Variants in STAT5B observed in about 807,000 individuals in gnomAD.
STAT5B encodes transcription factor STAT5B.
Under a neutral mutation model 107.8 loss-of-function variants are expected in STAT5B, and 21 were observed. The ratio of observed to expected loss-of-function variants is 0.19; its 90% confidence interval spans 0.14 to 0.28. The LOEUF (loss-of-function observed/expected upper bound fraction) is 0.28. STAT5B is among the 10% of genes least tolerant of loss of function. The probability of loss-of-function intolerance (pLI) is 1.00; values close to 1 mark genes in which losing one functional copy is unlikely to be tolerated. For synonymous variants in STAT5B, 325 were observed against 401.7 expected, an observed-to-expected ratio of 0.81 and a Z score of 2.28; for missense variants, 565 against 1,008.2, an observed-to-expected ratio of 0.56 and a Z score of 5.95.
At chr17:42,202,910 AACT>A in intron 16 of STAT5B, 102 bp from the exon 17 acceptor site, 1 of 1,431,410 alleles carries the variant, frequency 7.0e-7, no homozygotes, top group East Asian at 2.3e-5. Context: ...ACAACCACCT[AACT>A]TATCTAAGGA....
At chr17:42,269,000 C>G (rs1032966111) in intron 1 of STAT5B, among the ~76,000 whole-genome samples, 2 of 152,018 alleles carry the variant, frequency 1.3e-5, no homozygotes, top group Non-Finnish European at 2.9e-5. Flanking sequence ...AACATTTAGC[C>G]CAGGTTAGAT....
rs12603717 is a variant in STAT5B, at chr17:42,221,567, G to A, written c.551-1725C>T. On this transcript the variant is annotated intron_variant, in intron 5 of 18. Coordinates refer to ENST00000293328, the MANE Select transcript of STAT5B (RefSeq NM_012448.4). ...CACAGGAAACAGAAAAGCCAGGCAC[G>A]GGATCAGAAATACTGTTGACAGTCT... Among the ~76,000 whole-genome samples, 14 of 152,312 alleles carry A rather than the reference G, an allele frequency of 9.2e-5. No homozygotes were observed. The East Asian group carries it at 1.9e-3, about 21-fold the overall frequency.
chr17:42,201,466 T>A lies in STAT5B; in HGVS notation c.*272A>T. ...CACCACAGCTTCTGTCTGTGGCCCC[T>A]CTGCTACAACTAAACTCTCAGACAG... On this transcript the variant is annotated 3_prime_UTR_variant, in exon 19 of 19. Coordinates refer to ENST00000293328, the MANE Select transcript of STAT5B (RefSeq NM_012448.4). 3.3e-6 allele frequency: 2 copies of A among 607,252 alleles called. No individual in the cohort carries two copies. Among genetic ancestry groups the A allele is most frequent in the Non-Finnish European group, 5.9e-6 (2 of 338,688 alleles). The allele number at this position is 607,252 out of a possible 1,614,324, so 37.6% of individuals were successfully genotyped here.
chr17:42,245,318 C>T (rs562525604), intron 1 of STAT5B, among the ~76,000 whole-genome samples: 9 of 151,312 alleles, frequency 5.9e-5, no homozygotes, highest in African/African-American at 2.2e-4. Context: ...CCTTGTGATC[C>T]GCCCACCTTG....
chr17:42,263,800 T>C (rs908469841), intron 1 of STAT5B, among the ~76,000 whole-genome samples: 1 of 151,780 alleles, frequency 6.6e-6, no homozygotes. Context: ...GTGCTGGAAA[T>C]ATAGGCATGA....
At chr17:42,229,019 G>C (rs1783421112) in intron 2 of STAT5B, among the ~76,000 whole-genome samples, 1 of 152,208 alleles carries the variant, frequency 6.6e-6, no homozygotes. Flanking sequence ...TGAGAAGGCA[G>C]TTAAGGCAAG....
At position 42,199,316 on chromosome 17, in the gene STAT5B, A is replaced by G. The variant is rs2080025901; in HGVS notation, c.*2422T>C. On this transcript the variant is annotated 3_prime_UTR_variant, in exon 19 of 19. Transcript: ENST00000293328. ...TACACAATACTTTTTTTTGGTGGCT[A>G]AATAACTAATCTGCCTTGACACTAA... The G allele has an allele frequency of 6.6e-6, 1 of 152,340 alleles. No homozygotes were observed. Among genetic ancestry groups the G allele is most frequent in the South Asian group, 2.1e-4 (1 of 4,832 alleles). 9.4% of individuals were successfully genotyped at this position (152,340 alleles called of 1,614,324 possible).
intron 3 of STAT5B, among the ~76,000 whole-genome samples, chr17:42,226,894 G>A (rs1172884822): frequency 1.3e-5 from 2 of 150,998 alleles, no homozygotes; most frequent in East Asian, 3.9e-4. Context: ...GGAGGCTGAG[G>A]TGGGCGGATC....
chr17:42,256,381 C>T (rs1300283012), intron 1 of STAT5B, among the ~76,000 whole-genome samples: 1 of 152,010 alleles, frequency 6.6e-6, no homozygotes, highest in Non-Finnish European at 1.5e-5. Flanking sequence ...GCACCCAGCC[C>T]CCTCTCTTTT....
chr17:42,217,654 C>A, intron 9 of STAT5B, 190 bp from the exon 10 acceptor site: 1 of 642,014 alleles, frequency 1.6e-6, no homozygotes, highest in Non-Finnish European at 2.7e-6. Context: ...GAAACAAGAT[C>A]AAACTATCTT....
intron 1 of STAT5B, among the ~76,000 whole-genome samples, chr17:42,260,917 C>CCT (rs2080589806): frequency 1.4e-5 from 2 of 141,916 alleles, no homozygotes; most frequent in Non-Finnish European, 3.1e-5. Flanking sequence ...TATGTCTTAC[C>CCT]TTTTTTTTTT....
intron 16 of STAT5B, among the ~76,000 whole-genome samples, chr17:42,203,278 AGAG>A (rs1439294801): frequency 6.6e-6 from 1 of 152,172 alleles, no homozygotes; most frequent in Non-Finnish European, 1.5e-5. Flanking sequence ...AAGACCTGGT[AGAG>A]GAGAAGGTCA....
chr17:42,276,483 C>T (rs1213976273), upstream of STAT5B: 1 of 149,654 alleles, frequency 6.7e-6, no homozygotes, highest in African/African-American at 2.4e-5. This position sits in a 1 kb window ranked among gnomAD's most constrained non-coding sequence, Gnocchi z 4.8. Context: ...GGAGCGCGCC[C>T]CGCTTCCTGG....
intron 1 of STAT5B, among the ~76,000 whole-genome samples, chr17:42,240,945 CAT>C (rs2080396721): frequency 6.6e-6 from 1 of 152,178 alleles, no homozygotes; most frequent in African/African-American, 2.4e-5. Flanking sequence ...GACGTTTAAA[CAT>C]TGCTTCTGAT....
At chr17:42,262,783 T>TAC (rs1567676891) in intron 1 of STAT5B, among the ~76,000 whole-genome samples, 2 of 128,830 alleles carry the variant, frequency 1.6e-5, no homozygotes, top group African/African-American at 6.1e-5. Flanking sequence ...TATGTATATA[T>TAC]ATACACATAT....
chr17:42,227,830 G>A (rs2080286734), intron 2 of STAT5B, 145 bp from the exon 3 acceptor site: 1 of 762,688 alleles, frequency 1.3e-6, no homozygotes, highest in African/African-American at 1.7e-5. Flanking sequence ...CAACAGAAAT[G>A]GACTCAATGC....
upstream of STAT5B, among the ~76,000 whole-genome samples, chr17:42,281,140 AAAAAAC>A (rs539650551): frequency 1.3e-5 from 2 of 152,046 alleles, no homozygotes; most frequent in South Asian, 2.1e-4. Flanking sequence ...TCTCAAAAAA[AAAAAAC>A]AAAAACAAAA....
At chr17:42,247,711 G>T (rs765863852) in intron 1 of STAT5B, among the ~76,000 whole-genome samples, 42 of 152,278 alleles carry the variant, frequency 2.8e-4, no homozygotes, top group Non-Finnish European at 5.1e-4. Context: ...ACTTTGGGAG[G>T]CTGAGGCAGG....
At chr17:42,202,715 G>A (rs1283422625) in intron 17 of STAT5B, 42 bp downstream of exon 17, 3 of 1,613,126 alleles carry the variant, frequency 1.9e-6, no homozygotes, top group Admixed American at 3.3e-5. Flanking sequence ...TGGGGGAGGA[G>A]GAAAGAGGCA....
Sources: gnomAD v4.1 joint callset for allele counts (sites outside exome capture counted in the v4.1 genomes callset) on GRCh38, gnomAD v4.1.1 for gene constraint, Gnocchi (gnomAD v3.1) non-coding constraint, MANE v1.5 for transcripts, NCBI Gene and HGNC (gene_info 2026-07-23, HGNC 2026-07-21) for gene names.